The following OPN5 variants were observed in gnomAD, a reference collection of about 807,000 sequenced individuals.
OPN5 encodes the protein opsin-5.
OPN5 carries 18 observed loss-of-function variants against 41.7 expected under a neutral mutation model. The observed-to-expected ratio is 0.43, with a 90% confidence interval of 0.30 to 0.64. OPN5 has a LOEUF of 0.64. Among genes scored for constraint, OPN5 ranks in the 30% least tolerant of loss-of-function variants. The probability of loss-of-function intolerance (pLI) is 0.13; values close to 1 mark genes in which losing one functional copy is unlikely to be tolerated. For synonymous variants in OPN5, 178 were observed against 164.3 expected (o/e 1.08, Z -0.64); for missense variants, 318 against 434.5 (o/e 0.73, Z 2.38).
chr6:47,800,492 A>G (rs1358185171), intron 4 of OPN5, among the ~76,000 whole-genome samples: 1 of 152,190 alleles, frequency 6.6e-6, no homozygotes, highest in Non-Finnish European at 1.5e-5. Flanking sequence ...CAAAAGGCCA[A>G]TCTGAGGTTC....
exon 1 of OPN5, chr6:47,782,147 A>G: frequency 5.6e-6 from 9 of 1,613,762 alleles, no homozygotes; most frequent in Non-Finnish European, 7.6e-6. Context: ...TTGCTTCCAA[A>G]CTTTCTTGGG....
rs79659497 is a variant in OPN5, at chr6:47,791,778, T to C, written c.251-24T>C. 3,233 of 1,611,682 alleles carry C rather than the reference T, an allele frequency of 2.0e-3. 64 individuals are homozygous for C. The African/African-American group carries it at 0.037, about 19-fold the overall frequency. On this transcript the variant is annotated intron_variant, in intron 2 of 6. Transcript: ENST00000371211. ...GAAATAGTAACCAGAGGAACGTCTG[T>C]TGACAAGTCACTTGGTGCTCTAGTT...
chr6:47,799,776 T>C (rs1773702190), intron 4 of OPN5, among the ~76,000 whole-genome samples: 1 of 152,130 alleles, frequency 6.6e-6, no homozygotes, highest in African/African-American at 2.4e-5. Context: ...CTTCTCAGGG[T>C]AGGTTACCAA....
chr6:47,786,715 C>A (rs918092462), intron 2 of OPN5, 81 bp downstream of exon 2: 1 of 1,207,832 alleles, frequency 8.3e-7, no homozygotes, highest in Non-Finnish European at 1.2e-6. Context: ...AACGTCACCC[C>A]CTGACATCTC....
At chr6:47,815,185 C>T (rs1762394474) in intron 6 of OPN5, among the ~76,000 whole-genome samples, 1 of 151,928 alleles carries the variant, frequency 6.6e-6, no homozygotes, top group African/African-American at 2.4e-5. Context: ...CAGTAAAATC[C>T]AAGTTTTTGA....
chr6:47,811,547 T>C (rs536534198), intron 5 of OPN5, 127 bp from the exon 6 acceptor site: 2 of 453,304 alleles, frequency 4.4e-6, no homozygotes, highest in Admixed American at 7.1e-5. Context: ...CTGTTGCTAA[T>C]TCAAGATTTG....
At chr6:47,815,797 T>G (rs1365703408) in intron 6 of OPN5, among the ~76,000 whole-genome samples, 1 of 152,156 alleles carries the variant, frequency 6.6e-6, no homozygotes, top group Non-Finnish European at 1.5e-5. Flanking sequence ...TGGTCACCAC[T>G]GTGACCCTCT....
intron 6 of OPN5, among the ~76,000 whole-genome samples, chr6:47,819,108 AG>A (rs748454722): frequency 6.6e-6 from 1 of 151,810 alleles, no homozygotes; most frequent in Non-Finnish European, 1.5e-5. Context: ...TACAAAAAGG[AG>A]GCAGGTGTGG....
intron 6 of OPN5, among the ~76,000 whole-genome samples, chr6:47,819,353 A>ATATATATATATATATATATATATAT (rs1491208722): frequency 7.1e-5 from 6 of 84,872 alleles, no homozygotes; most frequent in Non-Finnish European, 9.8e-5. Context: ...ATATATATAT[A>ATATATATATATATATATATATATAT]AAAAATATAT....
At chr6:47,798,001 T>A (rs1679055141) in intron 4 of OPN5, among the ~76,000 whole-genome samples, 1 of 152,146 alleles carries the variant, frequency 6.6e-6, no homozygotes. Flanking sequence ...TTTGTTATTA[T>A]TCTGCTTGAC....
At chr6:47,817,221 C>T (rs1048645907) in intron 6 of OPN5, among the ~76,000 whole-genome samples, 2 of 151,982 alleles carry the variant, frequency 1.3e-5, no homozygotes, top group South Asian at 2.1e-4. Flanking sequence ...GAGCACGTTG[C>T]CTATTTAGCT....
At chr6:47,817,709 C>T (rs1762472783) in intron 6 of OPN5, among the ~76,000 whole-genome samples, 2 of 152,120 alleles carry the variant, frequency 1.3e-5, no homozygotes, top group South Asian at 4.1e-4. Context: ...TAAGTCTTTT[C>T]CCATTGGATG....
intron 2 of OPN5, 81 bp from the exon 3 acceptor site, chr6:47,791,721 G>A: frequency 1.7e-6 from 2 of 1,186,850 alleles, no homozygotes; most frequent in Admixed American, 1.8e-5. Flanking sequence ...GTGCTTTAGG[G>A]GAGGAGGTTC....
chr6:47,787,169 T>C, intron 2 of OPN5: 1 of 984,400 alleles, frequency 1.0e-6, no homozygotes, highest in Non-Finnish European at 1.2e-6. Flanking sequence ...CATAGGAAGC[T>C]TCTGGTTCAG....
At chr6:47,790,750 T>C (rs1456721295) in intron 2 of OPN5, among the ~76,000 whole-genome samples, 1 of 152,220 alleles carries the variant, frequency 6.6e-6, no homozygotes, top group African/African-American at 2.4e-5. Context: ...TCCAGAGTGC[T>C]ATTAAACCTC....
At position 47,824,047 on chromosome 6, in the gene OPN5, T is replaced by C. The variant is rs1413004747; in HGVS notation, c.*56T>C. ...AAGTGCTTACACGGCGTCTGGCATA[T>C]GCAGAGAAATTAGCTTACAAATGTT... On this transcript the variant is annotated 3_prime_UTR_variant, in exon 7 of 7. Transcript: ENST00000371211. 2.6e-5 allele frequency: 36 copies of C among 1,400,430 alleles called. 1 individual carries two copies. Among genetic ancestry groups the C allele is most frequent in the Non-Finnish European group, 3.6e-5 (36 of 1,009,658 alleles). 86.8% of individuals were successfully genotyped at this position (1,400,430 alleles called of 1,614,324 possible). A position where few individuals can be genotyped will look rare whatever the true frequency, so the allele number is the denominator to read the frequency against.
At chr6:47,823,604 A>G (rs1273319537) in intron 6 of OPN5, 2 of 301,366 alleles carry the variant, frequency 6.6e-6, no homozygotes, top group East Asian at 1.1e-4. Flanking sequence ...GGAGAAAATT[A>G]GGCAGTACAG....
chr6:47,801,182 T>C (rs1158853813), intron 4 of OPN5, among the ~76,000 whole-genome samples: 1 of 152,232 alleles, frequency 6.6e-6, no homozygotes, highest in South Asian at 2.1e-4. Flanking sequence ...GAAAATGCTG[T>C]GGGTCCTGTT....
At chr6:47,820,112 A>G (rs1369519262) in intron 6 of OPN5, among the ~76,000 whole-genome samples, 2 of 147,668 alleles carry the variant, frequency 1.4e-5, no homozygotes, top group African/African-American at 5.0e-5. Flanking sequence ...CATATTGTCT[A>G]TAGCTGCTTC....
Sources: allele counts gnomAD v4.1 joint callset (sites outside exome capture counted in the v4.1 genomes callset), GRCh38; gene constraint gnomAD v4.1.1; transcripts MANE v1.5; gene names NCBI Gene and HGNC (gene_info 2026-07-23, HGNC 2026-07-21).